The following SHISA9 variants were observed in gnomAD, a reference collection of about 807,000 sequenced individuals.
SHISA9 encodes the protein protein shisa-9.
Under a neutral mutation model 38.0 loss-of-function variants are expected in SHISA9, and 13 were observed. The ratio of observed to expected loss-of-function variants is 0.34; its 90% CI spans 0.22 to 0.54. The LOEUF (loss-of-function observed/expected upper bound fraction) is 0.54, where lower values mean the gene tolerates loss of function less well. Ranked by LOEUF, SHISA9 falls within the 20% of genes least tolerant of loss-of-function variation. The probability of loss-of-function intolerance (pLI) is 0.91; values close to 1 mark genes in which losing one functional copy is unlikely to be tolerated. For synonymous variants in SHISA9, 275 were observed against 242.0 expected, an observed-to-expected ratio of 1.14 and a Z score of -1.27; for missense variants, 538 against 575.8, an observed-to-expected ratio of 0.93 and a Z score of 0.67.
intron 1 of SHISA9, among the ~76,000 whole-genome samples, chr16:12,915,155 G>A (rs897069371): frequency 1.3e-5 from 2 of 152,198 alleles, no homozygotes; most frequent in African/African-American, 4.8e-5. Context: ...TGGTACAGAG[G>A]AGGCCGGTAT....
At position 13,165,232 on chromosome 16, in the gene SHISA9, G is replaced by A. The variant is rs555030879; in HGVS notation, c.692-38162G>A. ...ACTGATTCTATGTATATTAAATCAC[G>A]TGATGCATTCCACAGTTCAGTCATG... is the stretch of plus-strand genomic sequence containing the variant. On this transcript the variant is annotated intron_variant, in intron 2 of 4. Transcript: ENST00000558583. Among the ~76,000 whole-genome samples, 7 of 152,036 alleles carry A rather than the reference G, an allele frequency of 4.6e-5. No individual in the cohort carries two copies. The South Asian group carries it at 8.3e-4, about 18-fold the overall frequency.
the SHISA9 span, among the ~76,000 whole-genome samples, chr16:13,508,019 G>A: frequency 1.9e-4 from 29 of 152,172 alleles, no homozygotes; most frequent in East Asian, 4.4e-3. Context: ...ACTTCTCCAT[G>A]GTAACCACCA....
chr16:13,235,612 G>A lies in SHISA9; in HGVS notation c.*203G>A, dbSNP rs12598852. ...AACGTGTCGGCGGGCAGCTGAGAAAGACCGAAGCGTGGACATTCAGCAATA... is the reference window on the plus strand; with the variant it reads ...AACGTGTCGGCGGGCAGCTGAGAAAAACCGAAGCGTGGACATTCAGCAATA... On this transcript the variant is annotated 3_prime_UTR_variant, in exon 5 of 5. Transcript: ENST00000558583. The A allele has an allele frequency of 0.09, 56,937 of 633,596 alleles. 3,554 individuals carry two copies. The highest frequency in any genetic ancestry group is 0.29 in the East Asian group (9,951 of 34,838). The allele number at this position is 633,596 out of a possible 1,614,324, so 39.2% of individuals were successfully genotyped here. A position where few individuals can be genotyped will look rare whatever the true frequency, so the allele number is the denominator to read the frequency against.
chr16:13,062,316 G>C (rs141767508), intron 2 of SHISA9, among the ~76,000 whole-genome samples: 1 of 152,296 alleles, frequency 6.6e-6, no homozygotes, highest in Non-Finnish European at 1.5e-5. Context: ...GAAGACAGCA[G>C]AGGTGTTCAG....
chr16:13,515,465 C>T, the SHISA9 span, among the ~76,000 whole-genome samples: 3 of 152,028 alleles, frequency 2.0e-5, no homozygotes, highest in Non-Finnish European at 4.4e-5. Context: ...TAATACTACT[C>T]ACAAAGATCT....
chr16:13,472,399 T>TTTTC, the SHISA9 span, among the ~76,000 whole-genome samples: 15 of 131,676 alleles, frequency 1.1e-4, no homozygotes, highest in Admixed American at 1.1e-3. Context: ...TTTTTTTTTT[T>TTTTC]TTTTTTTTTT....
chr16:13,356,949 G>A, the SHISA9 span, among the ~76,000 whole-genome samples: 1 of 152,192 alleles, frequency 6.6e-6, no homozygotes, highest in African/African-American at 2.4e-5. Context: ...AAGGCATTTA[G>A]GTTTTAGGTC....
chr16:13,097,883 C>T (rs2073843084), intron 2 of SHISA9, among the ~76,000 whole-genome samples: 1 of 152,152 alleles, frequency 6.6e-6, no homozygotes, highest in Non-Finnish European at 1.5e-5. Context: ...TGGTGAAAAT[C>T]CTGTGATTCT....
At chr16:13,295,212 A>G in the SHISA9 span, among the ~76,000 whole-genome samples, 1 of 152,208 alleles carries the variant, frequency 6.6e-6, no homozygotes, top group African/African-American at 2.4e-5. Flanking sequence ...ATAAGAAAGT[A>G]AAATAAATAA....
At chr16:13,263,202 A>C in the SHISA9 span, among the ~76,000 whole-genome samples, 1 of 152,126 alleles carries the variant, frequency 6.6e-6, no homozygotes. Context: ...TTCGGCAAGG[A>C]CTTTTAACTT....
chr16:13,017,965 G>C (rs544375218), intron 2 of SHISA9, among the ~76,000 whole-genome samples: 1 of 152,160 alleles, frequency 6.6e-6, no homozygotes, highest in African/African-American at 2.4e-5. Flanking sequence ...CTTCTCAAAG[G>C]AAATTTTTGG....
chr16:13,337,202 A>T, the SHISA9 span, among the ~76,000 whole-genome samples: 5 of 152,108 alleles, frequency 3.3e-5, 1 homozygote, highest in African/African-American at 1.2e-4. Flanking sequence ...CTCATCTTGA[A>T]TTGTAGCTCC....
chr16:13,171,326 A>C (rs1249575043), intron 2 of SHISA9, among the ~76,000 whole-genome samples: 5 of 152,140 alleles, frequency 3.3e-5, no homozygotes, highest in African/African-American at 4.8e-5. Flanking sequence ...GGCAGGGGAG[A>C]AAACATCCAA....
At chr16:13,417,455 G>A in the SHISA9 span, among the ~76,000 whole-genome samples, 2 of 152,172 alleles carry the variant, frequency 1.3e-5, no homozygotes, top group Admixed American at 6.5e-5. Context: ...CAAGAAATGG[G>A]CAGAGTGAGA....
chr16:13,204,092 C>G lies in SHISA9; in HGVS notation c.847+543C>G, dbSNP rs569581375. ...ACCTATCCACTTATCTATTATCTATCTATATCATCTGTCTACCTATTATCT... is the reference window on the plus strand; with the variant it reads ...ACCTATCCACTTATCTATTATCTATGTATATCATCTGTCTACCTATTATCT... On this transcript the variant is annotated intron_variant, in intron 3 of 4. Transcript: ENST00000558583. Among the ~76,000 whole-genome samples the G allele has an allele frequency of 6.0e-5, 9 of 150,012 alleles. No homozygotes were observed. In the East Asian group the frequency reaches 1.7e-3, roughly 29 times the overall value.
intron 1 of SHISA9, among the ~76,000 whole-genome samples, chr16:12,905,867 C>G (rs1014326046): frequency 6.6e-6 from 1 of 152,204 alleles, no homozygotes; most frequent in African/African-American, 2.4e-5. Context: ...TCCCAAAGTG[C>G]TGGAATTACA....
At position 13,238,429 on chromosome 16, in the gene SHISA9, T is replaced by G. The variant is rs201015625; in HGVS notation, c.*3020T>G. The G allele has an allele frequency of 6.6e-6, 1 of 152,208 alleles. No individual in the cohort carries two copies. The highest frequency in any genetic ancestry group is 1.9e-4 in the East Asian group (1 of 5,200). The allele number at this position is 152,208 out of a possible 1,614,324, so 9.4% of individuals were successfully genotyped here. A position where few individuals can be genotyped will look rare whatever the true frequency, so the allele number is the denominator to read the frequency against. On this transcript the variant is annotated 3_prime_UTR_variant, in exon 5 of 5. Coordinates refer to ENST00000558583, the MANE Select transcript of SHISA9 (RefSeq NM_001145204.3). ...CCATAATTCTTATCTCCCTTTTACC[T>G]CGTGGTTGCTCTTTGCCCCCAGTCC...
intron 2 of SHISA9, among the ~76,000 whole-genome samples, chr16:13,010,815 G>A (rs926368423): frequency 1.3e-5 from 2 of 152,182 alleles, no homozygotes; most frequent in Non-Finnish European, 1.5e-5. Flanking sequence ...AGCCGGGCAT[G>A]GTGGTGCATG....
chr16:13,474,331 G>C, the SHISA9 span: 10 of 152,290 alleles, frequency 6.6e-5, no homozygotes, highest in South Asian at 6.2e-4. Flanking sequence ...TATAGAAATA[G>C]AAGCTTCAAG....
Sources: gnomAD v4.1 joint callset for allele counts (sites outside exome capture counted in the v4.1 genomes callset) on GRCh38, gnomAD v4.1.1 for gene constraint, MANE v1.5 for transcripts, NCBI Gene and HGNC (gene_info 2026-07-23, HGNC 2026-07-21) for gene names.